Variants in CABP2 observed in about 807,000 individuals in gnomAD.
CABP2 encodes calcium-binding protein 2.
A neutral mutation model predicts 28.6 loss-of-function variants in CABP2; 25 were observed. The ratio of observed to expected loss-of-function variants is 0.87; its 90% CI spans 0.64 to 1.22. The LOEUF (loss-of-function observed/expected upper bound fraction) is 1.22. Among genes scored for constraint, CABP2 ranks in the 50% most tolerant of loss-of-function variants. The pLI is 0.00. For synonymous variants in CABP2, 138 were observed against 126.0 expected (o/e 1.09, Z -0.64); for missense variants, 310 against 312.2 (o/e 0.99, Z 0.05).
Position 67,519,781 on chromosome 11 carries a change from G to C in CABP2, c.637+12C>G. On this transcript the variant is annotated intron_variant, in intron 6 of 6. Coordinates refer to ENST00000294288, the MANE Select transcript of CABP2 (RefSeq NM_016366.3). ...TTCCAGGGCGTGTGTTGCTATGTGCGGCAGGGGGTACCTTCGAAGTCGACC... is the reference window on the plus strand; with the variant it reads ...TTCCAGGGCGTGTGTTGCTATGTGCCGCAGGGGGTACCTTCGAAGTCGACC... 1.9e-6 allele frequency: 3 copies of C among 1,613,224 alleles called. No homozygotes were observed. Among genetic ancestry groups the C allele is most frequent in the East Asian group, 4.5e-5 (2 of 44,852 alleles).
At position 67,520,019 on chromosome 11, in the gene CABP2, GC is replaced by G. The variant is rs758907938; in HGVS notation, c.489+31del. The G allele has an allele frequency of 5.0e-6, 8 of 1,604,292 alleles. No individual in the cohort carries two copies. The Admixed American group carries it at 1.0e-4, about 20-fold the overall frequency. On this transcript the variant is annotated intron_variant, in intron 5 of 6. Coordinates refer to ENST00000294288, the MANE Select transcript of CABP2 (RefSeq NM_016366.3). The stretch of plus-strand genomic sequence containing the variant: ...GCCCCTCACTCACGGCAGACACGCA[GC>G]CCTGCCCGCCCTCAGCCCCAGTGGC...
Position 67,522,716 on chromosome 11 carries a change from C to A in CABP2, c.43G>T (p.Asp15Tyr). Reference sequence around the variant, plus strand: ...GGGGAGCCGAGCCACTGCAAGGGGTCCTGCAGCAGAGCCGGCCGTGAGCTG... The same window carrying A: ...GGGGAGCCGAGCCACTGCAAGGGGTACTGCAGCAGAGCCGGCCGTGAGCTG... ...AKRPWRRGPK[D>Y]PLQWLGSPPR... Residue 15 changes from aspartate (D) to tyrosine (Y), a missense_variant and splice_region_variant, in exon 2 of 7, where the codon GAC becomes TAC. Physicochemically the swap from Asp to Tyr is radical, Grantham distance 160. Transcript: ENST00000294288. 1 of 1,487,004 alleles carries A rather than the reference C, an allele frequency of 6.7e-7. No homozygotes were observed. The highest frequency in any genetic ancestry group is 9.0e-7 in the Non-Finnish European group (1 of 1,114,538). 92.1% of individuals were successfully genotyped at this position (1,487,004 alleles called of 1,614,324 possible). A position where few individuals can be genotyped will look rare whatever the true frequency, so the allele number is the denominator to read the frequency against.
intron 3 of CABP2, 95 bp downstream of exon 3, chr11:67,521,857 G>GGGC: frequency 1.2e-6 from 1 of 852,768 alleles, no homozygotes; most frequent in Non-Finnish European, 1.9e-6. Flanking sequence ...AAACACTGAG[G>GGGC]CCCCCACCCG....
intron 6 of CABP2, 77 bp from the exon 7 acceptor site, chr11:67,519,241 G>A (rs1866706261): frequency 6.6e-7 from 1 of 1,504,952 alleles, no homozygotes; most frequent in Non-Finnish European, 9.2e-7. Flanking sequence ...AGGCCTTGGG[G>A]CGGGTGGGAG....
intron 3 of CABP2, 65 bp downstream of exon 3, chr11:67,521,876 CCAACCCTGTGT>C: frequency 1.4e-6 from 1 of 694,982 alleles, no homozygotes; most frequent in Non-Finnish European, 2.5e-6. Flanking sequence ...CGATGCCCCC[CCAACCCTGTGT>C]CCCCACCCCA....
intron 3 of CABP2, 57 bp downstream of exon 3, chr11:67,521,895 C>A: frequency 8.1e-7 from 1 of 1,236,556 alleles, no homozygotes; most frequent in East Asian, 2.4e-5. Flanking sequence ...TGTCCCCACC[C>A]CATGCCCCCC....
chr11:67,523,274 A>T lies in CABP2; in HGVS notation c.42+11T>A, dbSNP rs1419512014. On this transcript the variant is annotated intron_variant, in intron 1 of 6. Coordinates refer to ENST00000294288, the MANE Select transcript of CABP2 (RefSeq NM_016366.3). ...CCTCCTGGCCTGGGTTTCTCCCCTG[A>T]CCCCTCCTACCTTAGGGCCCCGGCG... is the stretch of plus-strand genomic sequence containing the variant. 6.5e-7 allele frequency: 1 copy of T among 1,549,056 alleles called. No homozygotes were observed. Among genetic ancestry groups the T allele is most frequent in the African/African-American group, 1.4e-5 (1 of 73,114 alleles).
chr11:67,520,015 C>T (rs1291149307), intron 5 of CABP2, 36 bp downstream of exon 5: 7 of 1,602,674 alleles, frequency 4.4e-6, no homozygotes, highest in South Asian at 1.1e-5. Context: ...ACGGCAGACA[C>T]GCAGCCCTGC....
intron 2 of CABP2, 24 bp downstream of exon 2, chr11:67,522,522 T>C: frequency 6.4e-7 from 1 of 1,552,944 alleles, no homozygotes; most frequent in South Asian, 1.2e-5. Flanking sequence ...GCAGGCAGGC[T>C]GGCGGGCGGG....
chr11:67,522,771 T>G (rs944102843), intron 1 of CABP2, 55 bp from the exon 2 acceptor site: 1 of 1,404,972 alleles, frequency 7.1e-7, no homozygotes, highest in South Asian at 1.5e-5. Context: ...CTGGGCCTGA[T>G]AGCCCTCCCC....
Position 67,518,923 on chromosome 11 carries a change from T to G in CABP2, c.*216A>C. The G allele has an allele frequency of 1.7e-6, 1 of 595,652 alleles. No individual in the cohort carries two copies. Among genetic ancestry groups the G allele is most frequent in the Non-Finnish European group, 3.0e-6 (1 of 331,990 alleles). The allele number at this position is 595,652 out of a possible 1,614,324, so 36.9% of individuals were successfully genotyped here. ...AGAGGCAAAAGCCATCTCCCCAGGC[T>G]TGGAGATATTTTATTGTCAGAGAGA... On this transcript the variant is annotated 3_prime_UTR_variant, in exon 7 of 7. Coordinates refer to ENST00000294288, the MANE Select transcript of CABP2 (RefSeq NM_016366.3).
At chr11:67,520,289 C>CT in intron 4 of CABP2, 129 bp from the exon 5 acceptor site, 1 of 636,018 alleles carries the variant, frequency 1.6e-6, no homozygotes. Flanking sequence ...AAGCCTGGGT[C>CT]ATCTGTATTT....
In CABP2 at chr11:67,521,090, G is replaced by T; in HGVS notation, c.314C>A (p.Ala105Asp). ...DGYIGCRELG[A>D]CMRTLGYMPT... ...CATGTAGCCCAGGGTCCGCATGCAG[G>T]CACCCAGCTCCCGGCAGCCAATGTA... The change falls in exon 4 of 7, where the codon GCC (alanine) becomes GAC (aspartate). Residue 105 changes from alanine (A) to aspartate (D), a missense_variant. Transcript: ENST00000294288. The T allele has an allele frequency of 6.2e-7, 1 of 1,613,922 alleles. No individual in the cohort carries two copies. Among genetic ancestry groups the T allele is most frequent in the African/African-American group, 1.3e-5 (1 of 75,008 alleles).
chr11:67,521,193 C>A, intron 3 of CABP2, 34 bp from the exon 4 acceptor site: 1 of 1,602,222 alleles, frequency 6.2e-7, no homozygotes, highest in Middle Eastern at 1.7e-4. Context: ...CCTTCCCCCA[C>A]AACCCCCTGA....
intron 3 of CABP2, 98 bp downstream of exon 3, chr11:67,521,854 G>A: frequency 9.9e-7 from 1 of 1,007,294 alleles, no homozygotes; most frequent in Non-Finnish European, 1.5e-6. Context: ...TGGAAACACT[G>A]AGGCCCCCAC....
Position 67,521,275 on chromosome 11 carries a change from G to A in CABP2, c.245-116C>T, listed in dbSNP as rs1309631088. 2.7e-6 allele frequency: 3 copies of A among 1,094,818 alleles called. No homozygotes were observed. In the African/African-American group the frequency reaches 4.7e-5, roughly 17 times the overall value. The allele number at this position is 1,094,818 out of a possible 1,614,324, so 67.8% of individuals were successfully genotyped here. On this transcript the variant is annotated intron_variant, in intron 3 of 6. Transcript: ENST00000294288. ...TCCTTCTGAACATCAGATTCTCTTT[G>A]CTGCCTCGGGGCCTTTGCACGTGCT... is the stretch of plus-strand genomic sequence containing the variant.
rs910286776 is a variant in CABP2, at chr11:67,521,172, G to T, written c.245-13C>A. On this transcript the variant is annotated splice_polypyrimidine_tract_variant and intron_variant, in intron 3 of 6. Coordinates refer to ENST00000294288, the MANE Select transcript of CABP2 (RefSeq NM_016366.3). ...GCGACCTGCAGCTCTGCCAGGCAGG[G>T]TGGGGTCAGTCCTTCCCCCACAACC... 6 of 1,609,722 alleles carry T rather than the reference G, an allele frequency of 3.7e-6. No individual in the cohort carries two copies. The highest frequency in any genetic ancestry group is 5.1e-6 in the Non-Finnish European group (6 of 1,179,582).
chr11:67,520,374 T>TG (rs1866730072), intron 4 of CABP2, among the ~76,000 whole-genome samples: 1 of 152,072 alleles, frequency 6.6e-6, no homozygotes, highest in African/African-American at 2.4e-5. Flanking sequence ...CAAAACTTAT[T>TG]GGGCCGGGCA....
intron 1 of CABP2, 28 bp from the exon 2 acceptor site, chr11:67,522,744 G>T (rs974605577): frequency 2.1e-6 from 3 of 1,456,718 alleles, no homozygotes; most frequent in Middle Eastern, 2.5e-4. Context: ...GTGAGCTGGG[G>T]CAGTGGCCGC....
Sources: allele counts gnomAD v4.1 joint callset (sites outside exome capture counted in the v4.1 genomes callset), GRCh38; gene constraint gnomAD v4.1.1; transcripts MANE v1.5; gene names NCBI Gene and HGNC (gene_info 2026-07-23, HGNC 2026-07-21).